Variants in BPIFA1 observed in about 807,000 individuals in gnomAD.
BPIFA1 encodes the protein BPI fold-containing family A member 1.
Under a neutral mutation model 25.1 loss-of-function variants are expected in BPIFA1, and 24 were observed. The ratio of observed to expected loss-of-function variants is 0.96; its 90% CI spans 0.69 to 1.35. The LOEUF (loss-of-function observed/expected upper bound fraction) is 1.35. Ranked by LOEUF, BPIFA1 falls within the 40% of genes most tolerant of loss-of-function variation. BPIFA1 has a pLI of 0.00. For missense variants in BPIFA1, 344 were observed against 303.7 expected (o/e 1.13, Z -0.99); for synonymous variants, 139 against 131.8 (o/e 1.05, Z -0.37).
At chr20:33,240,424 C>T in intron 5 of BPIFA1, 39 bp downstream of exon 5, 1 of 1,608,240 alleles carries the variant, frequency 6.2e-7, no homozygotes, top group Non-Finnish European at 8.5e-7. Flanking sequence ...CCAGAGATGA[C>T]AGGGTGTGAT....
At chr20:33,242,631 G>A (rs371630488) in intron 8 of BPIFA1, 70 bp downstream of exon 8, 4 of 1,148,408 alleles carry the variant, frequency 3.5e-6, no homozygotes, top group Admixed American at 3.6e-5. Flanking sequence ...AGGCAGACGG[G>A]AGCTTGGGAC....
intron 1 of BPIFA1, among the ~76,000 whole-genome samples, chr20:33,236,587 C>T (rs929690784): frequency 2.0e-5 from 3 of 152,142 alleles, no homozygotes; most frequent in African/African-American, 7.2e-5. Flanking sequence ...CACCAGTTGT[C>T]TCCAAATTGT....
Position 33,239,864 on chromosome 20 carries a change from C to G in BPIFA1, c.382C>G (p.Arg128Gly). 1 of 1,614,214 alleles carries G rather than the reference C, an allele frequency of 6.2e-7. No homozygotes were observed. Among genetic ancestry groups the G allele is most frequent in the Non-Finnish European group, 8.5e-7 (1 of 1,180,026 alleles). Residue 128 changes from arginine to glycine, a missense_variant, in exon 4 of 9, where the codon CGT becomes GGT. Coordinates refer to ENST00000354297, the MANE Select transcript of BPIFA1 (RefSeq NM_130852.3). ...LGLVQSPDGH[R>G]LYVTIPLGIK... ...CCTTGTGCAGAGCCCTGATGGCCAC[C>G]GTCTCTATGTCACCATCCCTCTCGG... is the stretch of plus-strand genomic sequence containing the variant.
intron 1 of BPIFA1, among the ~76,000 whole-genome samples, chr20:33,236,262 C>A (rs896923114): frequency 6.6e-6 from 1 of 152,098 alleles, no homozygotes; most frequent in Non-Finnish European, 1.5e-5. Flanking sequence ...CTATTAATGC[C>A]GTAAATGAAA....
At chr20:33,240,530 AGATGGATGGATGGATGGATGGATGGATG>A (rs10677320) in intron 5 of BPIFA1, 145 bp downstream of exon 5, 2 of 744,068 alleles carry the variant, frequency 2.7e-6, no homozygotes, top group South Asian at 1.9e-5. Context: ...GAGCGTGGAA[AGATGGATGGATGGATGGATGGATGGATG>A]GATGGATGGA....
chr20:33,241,253 C>A, intron 5 of BPIFA1, 132 bp from the exon 6 acceptor site: 1 of 810,352 alleles, frequency 1.2e-6, no homozygotes, highest in Non-Finnish European at 2.1e-6. Context: ...TTGGCCTGCA[C>A]GTGGGTGTAG....
At chr20:33,240,806 T>C (rs1978941464) in intron 5 of BPIFA1, among the ~76,000 whole-genome samples, 1 of 152,214 alleles carries the variant, frequency 6.6e-6, no homozygotes, top group Non-Finnish European at 1.5e-5. Flanking sequence ...GGGCTTCCTG[T>C]GTGAACCTGG....
intron 3 of BPIFA1, among the ~76,000 whole-genome samples, chr20:33,238,998 G>C (rs912834880): frequency 3.3e-5 from 5 of 152,168 alleles, no homozygotes; most frequent in African/African-American, 1.2e-4. Flanking sequence ...TTCTCCATCT[G>C]TAAAATATAG....
intron 8 of BPIFA1, 52 bp downstream of exon 8, chr20:33,242,613 C>T (rs1979037741): frequency 7.3e-7 from 1 of 1,376,456 alleles, no homozygotes. Flanking sequence ...TGTTCTTCTC[C>T]TGGTAGAAGG....
At chr20:33,236,333 C>T (rs1056127381) in intron 1 of BPIFA1, among the ~76,000 whole-genome samples, 1 of 152,176 alleles carries the variant, frequency 6.6e-6, no homozygotes, top group African/African-American at 2.4e-5. Flanking sequence ...ATCCAAAAAC[C>T]TCCTAAAATT....
At chr20:33,242,229 C>T (rs1979013793) in intron 7 of BPIFA1, 110 bp downstream of exon 7, 4 of 1,201,548 alleles carry the variant, frequency 3.3e-6, no homozygotes, top group South Asian at 2.5e-5. Context: ...GGCCTCAACT[C>T]TCTCTATTTT....
intron 4 of BPIFA1, 97 bp downstream of exon 4, chr20:33,240,007 C>G: frequency 5.0e-6 from 7 of 1,400,240 alleles, no homozygotes; most frequent in Non-Finnish European, 7.0e-6. Context: ...TCTAACAGAC[C>G]TGAGCCTCCA....
chr20:33,238,817 G>A (rs148757624), intron 3 of BPIFA1, among the ~76,000 whole-genome samples: 2 of 152,202 alleles, frequency 1.3e-5, no homozygotes, highest in Non-Finnish European at 2.9e-5. Flanking sequence ...TGATGCCAGT[G>A]AGCCGGCAGA....
At chr20:33,236,950 G>C (rs1978708674) in intron 1 of BPIFA1, among the ~76,000 whole-genome samples, 1 of 152,118 alleles carries the variant, frequency 6.6e-6, no homozygotes, top group African/African-American at 2.4e-5. Flanking sequence ...TGTATTGTGT[G>C]ACTTTCAAGG....
At chr20:33,240,689 A>AGAT (rs398071574) in intron 5 of BPIFA1, among the ~76,000 whole-genome samples, 34 of 135,152 alleles carry the variant, frequency 2.5e-4, no homozygotes, top group African/African-American at 1.2e-3. Flanking sequence ...ATAGATAGAT[A>AGAT]AAGTAGTACT....
chr20:33,242,429 C>G (rs1400616182), intron 7 of BPIFA1, 58 bp from the exon 8 acceptor site: 4 of 1,591,190 alleles, frequency 2.5e-6, no homozygotes, highest in Non-Finnish European at 3.4e-6. Flanking sequence ...AATATGGACT[C>G]CTTCACGTTG....
At chr20:33,242,780 T>A (rs936527273) in intron 8 of BPIFA1, among the ~76,000 whole-genome samples, 10 of 152,030 alleles carry the variant, frequency 6.6e-5, no homozygotes, top group Non-Finnish European at 1.3e-4. Context: ...CACACACAAA[T>A]GCCCAGACAC....
At chr20:33,240,622 AGAT>A (rs1978920684) in intron 5 of BPIFA1, among the ~76,000 whole-genome samples, 1 of 129,906 alleles carries the variant, frequency 7.7e-6, no homozygotes, top group African/African-American at 4.4e-5. Context: ...AAGGATGAAT[AGAT>A]AGATGGATGG....
rs756422518 is a variant in BPIFA1, at chr20:33,239,801, A to C, written c.321-2A>C. On this transcript the variant is annotated splice_acceptor_variant, in intron 3 of 8. Coordinates refer to ENST00000354297, the MANE Select transcript of BPIFA1 (RefSeq NM_130852.3). LOFTEE classifies it high-confidence loss of function. ...CCCCCTCCAATATTACTCCCTGGAC[A>C]GCATAAAGGTCACTGACCCCCAGCT... The C allele has an allele frequency of 6.2e-7, 1 of 1,613,364 alleles. No homozygotes were observed. Among genetic ancestry groups the C allele is most frequent in the Admixed American group, 1.7e-5 (1 of 60,022 alleles).
Sources: gnomAD v4.1 joint callset for allele counts (sites outside exome capture counted in the v4.1 genomes callset) on GRCh38, gnomAD v4.1.1 for gene constraint, MANE v1.5 for transcripts, NCBI Gene and HGNC (gene_info 2026-07-23, HGNC 2026-07-21) for gene names.